TGFBR1: variants seen among roughly 807,000 people sequenced by gnomAD.
TGFBR1 encodes TGF-beta receptor type-1.
TGFBR1 carries 20 observed loss-of-function variants against 55.1 expected under a neutral mutation model. That is an observed-to-expected ratio of 0.36 (90% CI 0.26 to 0.53). The LOEUF is 0.53. Ranked by LOEUF, TGFBR1 falls within the 20% of genes least tolerant of loss-of-function variation. The pLI is 0.91. For missense variants in TGFBR1, 385 were observed against 617.6 expected, an observed-to-expected ratio of 0.62 and a Z score of 3.99; for synonymous variants, 220 against 214.8, an observed-to-expected ratio of 1.02 and a Z score of -0.21.
In TGFBR1 at chr9:99,152,805, C is replaced by T. The variant is rs1449342539; in HGVS notation, c.*3500C>T. 1 of 231,118 alleles carries T rather than the reference C, an allele frequency of 4.3e-6. No homozygotes were observed. Among genetic ancestry groups the T allele is most frequent in the African/African-American group, 2.2e-5 (1 of 45,240 alleles). 14.3% of individuals were successfully genotyped at this position (231,118 alleles called of 1,614,324 possible). ...TGAGATACTAAGGATTATCTTTGGA[C>T]ATGTACTGCAGCTTCTTGTCTCTGT... On this transcript the variant is annotated 3_prime_UTR_variant, in exon 9 of 9. Transcript: ENST00000374994.
chr9:99,133,480 C>CATGT (rs11568769), intron 3 of TGFBR1, among the ~76,000 whole-genome samples: 202 of 152,274 alleles, frequency 1.3e-3, no homozygotes, highest in African/African-American at 4.7e-3. Flanking sequence ...CTTTTTCTTG[C>CATGT]ATGTGGTTTG....
chr9:99,148,614 C>T (rs182994518), intron 8 of TGFBR1, among the ~76,000 whole-genome samples: 19 of 152,312 alleles, frequency 1.2e-4, no homozygotes, highest in Non-Finnish European at 2.2e-4. Context: ...ATCACATCTC[C>T]AGGCCCAAAT....
intron 3 of TGFBR1, among the ~76,000 whole-genome samples, chr9:99,134,907 C>T (rs894501062): frequency 6.9e-6 from 1 of 144,944 alleles, no homozygotes; most frequent in South Asian, 2.2e-4. Flanking sequence ...TTCTCTCCCT[C>T]CTTTGATGCC....
rs887464333 is a variant in TGFBR1 at position 99,149,496 on chromosome 9, C to A, written c.*191C>A. 3.1e-6 allele frequency: 2 copies of A among 655,106 alleles called. No homozygotes were observed. Among genetic ancestry groups the A allele is most frequent in the African/African-American group, 1.8e-5 (1 of 55,004 alleles). 40.6% of individuals were successfully genotyped at this position (655,106 alleles called of 1,614,324 possible). A position where few individuals can be genotyped will look rare whatever the true frequency, so the allele number is the denominator to read the frequency against. ...CAGGAAACAGCCATGTGGGTCCTTTCTGTGCACTATGAACGCTTCTTTCCC... is the reference window on the plus strand; with the variant it reads ...CAGGAAACAGCCATGTGGGTCCTTTATGTGCACTATGAACGCTTCTTTCCC... On this transcript the variant is annotated 3_prime_UTR_variant, in exon 9 of 9. Transcript: ENST00000374994.
chr9:99,145,450 T>C (rs1433448623), intron 6 of TGFBR1, among the ~76,000 whole-genome samples: 4 of 152,192 alleles, frequency 2.6e-5, no homozygotes, highest in South Asian at 4.1e-4. Context: ...GAGGCACTTA[T>C]GCGTTATGTT....
At chr9:99,126,992 A>T (rs963031639) in intron 1 of TGFBR1, among the ~76,000 whole-genome samples, 2 of 152,216 alleles carry the variant, frequency 1.3e-5, no homozygotes, top group African/African-American at 4.8e-5. Context: ...AGAACCTGAC[A>T]TTCCTGAATT....
chr9:99,116,927 A>G (rs1009008604), intron 1 of TGFBR1, among the ~76,000 whole-genome samples: 1 of 152,220 alleles, frequency 6.6e-6, no homozygotes, highest in Non-Finnish European at 1.5e-5. Context: ...CCAAAATTTA[A>G]TGATTAAAAA....
chr9:99,133,351 A>G (rs982827595), intron 3 of TGFBR1, among the ~76,000 whole-genome samples: 3 of 152,086 alleles, frequency 2.0e-5, no homozygotes, highest in Admixed American at 6.5e-5. Flanking sequence ...TTCTTTTCTC[A>G]GTTCTATTTG....
rs11568747 is a variant in TGFBR1, at chr9:99,105,956, G to A, written c.97+654G>A. Among the ~76,000 whole-genome samples, 11 of 152,376 alleles carry A rather than the reference G, an allele frequency of 7.2e-5. No homozygotes were observed. In the South Asian group the frequency reaches 2.1e-3, roughly 29 times the overall value. On this transcript the variant is annotated intron_variant, in intron 1 of 8. Transcript: ENST00000374994. ...GGAAGGGGCTGCTCCTCCAGCCAGG[G>A]GGGCTTTGTGTGAGAAGAAGGAAGC...
rs780295872 is a variant in TGFBR1, at chr9:99,129,049, A to T, written c.292A>T (p.Thr98Ser). Residue 98 changes from threonine to serine, a missense_variant, in exon 2 of 9, where the codon ACA (threonine) becomes TCA (serine). By Grantham distance (58) the Thr-to-Ser change is moderately conservative. Coordinates refer to ENST00000374994, the MANE Select transcript of TGFBR1 (RefSeq NM_004612.4). ...PSSKTGSVTT[T>S]YCCNQDHCNK... ...TTCAAAAACTGGGTCTGTGACTACA[A>T]CATATTGCTGCAATCAGGACCATTG... 12 of 1,613,890 alleles carry T rather than the reference A, an allele frequency of 7.4e-6. No homozygotes were observed. Among genetic ancestry groups the T allele is most frequent in the Non-Finnish European group, 9.3e-6 (11 of 1,179,950 alleles).
rs201990134 is a variant in TGFBR1, at chr9:99,150,218, C to T, written c.*913C>T. 20 of 191,064 alleles carry T rather than the reference C, an allele frequency of 1.0e-4. No individual in the cohort carries two copies. The highest frequency in any genetic ancestry group is 1.1e-5 in the Non-Finnish European group (1 of 90,934). The allele number at this position is 191,064 out of a possible 1,614,324, so 11.8% of individuals were successfully genotyped here. A position where few individuals can be genotyped will look rare whatever the true frequency, so the allele number is the denominator to read the frequency against. ...GCATGGTCATGTTTGAATATTCTCA[C>T]ATCAAGCTTTTGCATTTTAATTGTG... On this transcript the variant is annotated 3_prime_UTR_variant, in exon 9 of 9. Coordinates refer to ENST00000374994, the MANE Select transcript of TGFBR1 (RefSeq NM_004612.4).
chr9:99,122,023 G>T (rs556375999), intron 1 of TGFBR1, among the ~76,000 whole-genome samples: 1 of 152,196 alleles, frequency 6.6e-6, no homozygotes, highest in East Asian at 1.9e-4. Flanking sequence ...AACTAATAAA[G>T]AAAGGGTGGT....
At chr9:99,126,853 A>G (rs1375472023) in intron 1 of TGFBR1, among the ~76,000 whole-genome samples, 1 of 152,240 alleles carries the variant, frequency 6.6e-6, no homozygotes, top group Admixed American at 6.5e-5. Flanking sequence ...CTTAGGAAGC[A>G]AATAGCTGAC....
chr9:99,105,292 G>T lies in TGFBR1; in HGVS notation c.87G>T (p.Pro29=). ...AAAAAAAALL[P]GATALQCFCH... The stretch of plus-strand genomic sequence containing the variant: ...CGGCGGCGGCGGCGGCGCTGCTCCC[G>T]GGGGCGACGGGTGAGCGGCGGCGCG... The change falls in exon 1 of 9, where the codon CCG becomes CCT. Residue 29 remains proline (P), a synonymous_variant. Coordinates refer to ENST00000374994, the MANE Select transcript of TGFBR1 (RefSeq NM_004612.4). The T allele has an allele frequency of 1.0e-6, 1 of 991,990 alleles. No individual in the cohort carries two copies. Among genetic ancestry groups the T allele is most frequent in the Non-Finnish European group, 1.2e-6 (1 of 836,068 alleles). 61.4% of individuals were successfully genotyped at this position (991,990 alleles called of 1,614,324 possible). A position where few individuals can be genotyped will look rare whatever the true frequency, so the allele number is the denominator to read the frequency against.
chr9:99,135,775 G>A (rs993330623), intron 3 of TGFBR1, among the ~76,000 whole-genome samples: 1 of 152,018 alleles, frequency 6.6e-6, no homozygotes, highest in Non-Finnish European at 1.5e-5. Context: ...CAGTTCTAAA[G>A]GTACAGAAGA....
intron 1 of TGFBR1, among the ~76,000 whole-genome samples, chr9:99,115,976 A>C (rs969262336): frequency 5.3e-5 from 8 of 152,198 alleles, no homozygotes; most frequent in African/African-American, 1.9e-4. Flanking sequence ...GCGTTGGCAG[A>C]TTAACACAGC....
At chr9:99,132,428 G>A (rs1252161174) in intron 2 of TGFBR1, 81 bp from the exon 3 acceptor site, 43 of 1,590,548 alleles carry the variant, frequency 2.7e-5, no homozygotes, top group African/African-American at 4.0e-5. Context: ...CAGGAATTGT[G>A]TAGGATTGGG....
At chr9:99,129,937 G>C (rs1827169307) in intron 2 of TGFBR1, among the ~76,000 whole-genome samples, 1 of 151,940 alleles carries the variant, frequency 6.6e-6, no homozygotes, top group South Asian at 2.1e-4. Context: ...AAATTTCCTG[G>C]CAGAACCAGC....
At chr9:99,116,017 TC>T in intron 1 of TGFBR1, among the ~76,000 whole-genome samples, 1 of 152,284 alleles carries the variant, frequency 6.6e-6, no homozygotes, top group East Asian at 1.9e-4. Context: ...GAAGAGATGC[TC>T]CTTTTTTCTC....
Sources: allele counts gnomAD v4.1 joint callset (sites outside exome capture counted in the v4.1 genomes callset), GRCh38; gene constraint gnomAD v4.1.1; transcripts MANE v1.5; gene names NCBI Gene and HGNC (gene_info 2026-07-23, HGNC 2026-07-21).